The following TCERG1L variants were observed in gnomAD, a reference collection of about 807,000 sequenced individuals.
TCERG1L encodes the protein transcription elongation regulator 1-like protein.
TCERG1L carries 37 observed loss-of-function variants against 56.3 expected under a neutral mutation model. That is an observed-to-expected ratio of 0.66 (90% confidence interval 0.51 to 0.87). TCERG1L has a LOEUF of 0.87. Ranked by LOEUF, TCERG1L falls within the 40% of genes least tolerant of loss-of-function variation. The pLI, the probability that TCERG1L is intolerant of heterozygous loss-of-function variation, is 0.00. For synonymous variants in TCERG1L, 324 were observed against 326.3 expected, an observed-to-expected ratio of 0.99 and a Z score of 0.08; for missense variants, 799 against 774.2, an observed-to-expected ratio of 1.03 and a Z score of -0.38.
rs887477613 is a variant in TCERG1L, at chr10:131,092,472, G to A, written c.*690C>T. 9.8e-5 allele frequency: 15 copies of A among 152,440 alleles called. No homozygotes were observed. The highest frequency in any genetic ancestry group is 3.4e-4 in the African/African-American group (14 of 41,358). The allele number at this position is 152,440 out of a possible 1,614,324, so 9.4% of individuals were successfully genotyped here. A position where few individuals can be genotyped will look rare whatever the true frequency, so the allele number is the denominator to read the frequency against. On this transcript the variant is annotated 3_prime_UTR_variant, in exon 12 of 12. Coordinates refer to ENST00000368642, the MANE Select transcript of TCERG1L (RefSeq NM_174937.4). ...TGAGAAAAAATCTCATGCAAACTCC[G>A]GGCATACAATAAAAATAACTCAAAT... is the stretch of plus-strand genomic sequence containing the variant.
At chr10:131,289,458 CTCT>C (rs1846584373) in intron 3 of TCERG1L, among the ~76,000 whole-genome samples, 1 of 151,278 alleles carries the variant, frequency 6.6e-6, no homozygotes, top group African/African-American at 2.4e-5. Flanking sequence ...CTGCCTCCAT[CTCT>C]TATCGGTGTG....
chr10:131,109,407 C>G (rs28602269), intron 9 of TCERG1L, among the ~76,000 whole-genome samples: 1 of 151,992 alleles, frequency 6.6e-6, no homozygotes, highest in Non-Finnish European at 1.5e-5. Flanking sequence ...TGTCTGTGAC[C>G]GTGGCTGGGT....
At chr10:131,212,244 C>T (rs1845627702) in intron 4 of TCERG1L, among the ~76,000 whole-genome samples, 1 of 152,204 alleles carries the variant, frequency 6.6e-6, no homozygotes, top group Admixed American at 6.5e-5. Flanking sequence ...AGCTCTCCCA[C>T]TGCCTTCAGG....
chr10:131,115,245 G>C (rs1464742882), intron 9 of TCERG1L, among the ~76,000 whole-genome samples: 1 of 152,230 alleles, frequency 6.6e-6, no homozygotes, highest in African/African-American at 2.4e-5. Context: ...GGCACACGGT[G>C]ATCACCCGGC....
chr10:131,116,808 C>T lies in TCERG1L; in HGVS notation c.1386G>A (p.Leu462=). 1 of 1,563,696 alleles carries T rather than the reference C, an allele frequency of 6.4e-7. No individual in the cohort carries two copies. The highest frequency in any genetic ancestry group is 8.7e-7 in the Non-Finnish European group (1 of 1,155,110). ...ERVTHFRDML[L]ERGVSAFSTW... Reference sequence around the variant, plus strand: ...AGCCGCTGTGCCTTACCCCTCTCTCCAGCAGCATGTCTCGGAAGTGGGTCA... The same window carrying T: ...AGCCGCTGTGCCTTACCCCTCTCTCTAGCAGCATGTCTCGGAAGTGGGTCA... Residue 462 remains leucine, a synonymous_variant, in exon 9 of 12, where the codon CTG becomes CTA. Transcript: ENST00000368642.
At chr10:131,274,921 C>T (rs1043537597) in intron 3 of TCERG1L, among the ~76,000 whole-genome samples, 1 of 152,212 alleles carries the variant, frequency 6.6e-6, no homozygotes, top group African/African-American at 2.4e-5. Flanking sequence ...GTCAGGCAGG[C>T]TCGAGATCTC....
At position 131,092,951 on chromosome 10, in the gene TCERG1L, G is replaced by T. The variant is rs921377776; in HGVS notation, c.*211C>A. The T allele has an allele frequency of 1.9e-6, 1 of 514,556 alleles. No homozygotes were observed. The highest frequency in any genetic ancestry group is 3.4e-6 in the Non-Finnish European group (1 of 293,350). 31.9% of individuals were successfully genotyped at this position (514,556 alleles called of 1,614,324 possible). On this transcript the variant is annotated 3_prime_UTR_variant, in exon 12 of 12. Transcript: ENST00000368642. ...ACAATTAAGGGATCGACGTATCACG[G>T]TGATTAGAAATGCATCAAACTCTGA...
At chr10:131,183,935 C>T (rs1257713152) in intron 4 of TCERG1L, among the ~76,000 whole-genome samples, 1 of 152,216 alleles carries the variant, frequency 6.6e-6, no homozygotes, top group African/African-American at 2.4e-5. Context: ...CAGTGGGACT[C>T]GACTCACCTC....
intron 6 of TCERG1L, chr10:131,156,384 A>C (rs1302066807): frequency 6.6e-6 from 1 of 152,140 alleles, no homozygotes; most frequent in Non-Finnish European, 1.5e-5. Flanking sequence ...ACGGGTACTG[A>C]AATAGAAAAT....
At chr10:131,308,550 C>T (rs576689285) in intron 2 of TCERG1L, among the ~76,000 whole-genome samples, 159 bp from the exon 3 acceptor site, 1 of 152,256 alleles carries the variant, frequency 6.6e-6, no homozygotes, top group African/African-American at 2.4e-5. Context: ...TAAAGAAGTT[C>T]CACAGGGCTT....
At chr10:131,294,482 G>A (rs1257933631) in intron 3 of TCERG1L, among the ~76,000 whole-genome samples, 1 of 152,178 alleles carries the variant, frequency 6.6e-6, no homozygotes, top group Non-Finnish European at 1.5e-5. Context: ...ACCTGGAAAT[G>A]TTCCTCAGGG....
In TCERG1L at chr10:131,134,370, G is replaced by A; in HGVS notation, c.1259+9C>T. 6.3e-7 allele frequency: 1 copy of A among 1,580,308 alleles called. No individual in the cohort carries two copies. The highest frequency in any genetic ancestry group is 1.2e-5 in the South Asian group (1 of 85,962). ...GAAAGATCTGCTGGGGAAGAGCACG[G>A]CCACCTACCGGTTCCTCTTGGTTTT... is the stretch of plus-strand genomic sequence containing the variant. On this transcript the variant is annotated intron_variant, in intron 8 of 11. Transcript: ENST00000368642.
At chr10:131,098,757 C>A (rs990006602) in intron 10 of TCERG1L, among the ~76,000 whole-genome samples, 28 of 152,296 alleles carry the variant, frequency 1.8e-4, no homozygotes, top group Non-Finnish European at 3.5e-4. Flanking sequence ...CGGTTTGGAA[C>A]CCGTGCTGTA....
rs1420020225 is a variant in TCERG1L at position 131,092,465 on chromosome 10, A to G, written c.*697T>C. 1.3e-5 allele frequency: 2 copies of G among 152,694 alleles called. No individual in the cohort carries two copies. The highest frequency in any genetic ancestry group is 4.8e-5 in the African/African-American group (2 of 41,476). 9.5% of individuals were successfully genotyped at this position (152,694 alleles called of 1,614,324 possible). On this transcript the variant is annotated 3_prime_UTR_variant, in exon 12 of 12. Coordinates refer to ENST00000368642, the MANE Select transcript of TCERG1L (RefSeq NM_174937.4). ...AAGGTGATGAGAAAAAATCTCATGC[A>G]AACTCCGGGCATACAATAAAAATAA...
At chr10:131,249,320 C>A (rs996297604) in intron 4 of TCERG1L, among the ~76,000 whole-genome samples, 10 of 152,228 alleles carry the variant, frequency 6.6e-5, no homozygotes, top group African/African-American at 2.2e-4. Flanking sequence ...TGGAAAGCCA[C>A]CCGGCTACCC....
rs890595205 is a variant in TCERG1L, at chr10:131,249,519, C to T, written c.856+10740G>A. ...TCCCTGAGTCCCTGGAGGACAGTGG[C>T]CCTCTCCAGCCATGGCAAACGCACA... On this transcript the variant is annotated intron_variant, in intron 4 of 11. Transcript: ENST00000368642. Among the ~76,000 whole-genome samples, 9 of 152,352 alleles carry T rather than the reference C, an allele frequency of 5.9e-5. 2 individuals carry two copies. The highest frequency in any genetic ancestry group is 5.2e-4 in the Admixed American group (8 of 15,310).
intron 4 of TCERG1L, among the ~76,000 whole-genome samples, chr10:131,222,868 A>G (rs1461381506): frequency 3.9e-5 from 6 of 152,090 alleles, no homozygotes; most frequent in South Asian, 2.1e-4. Flanking sequence ...CTGCCTTCCA[A>G]TTGGTCAAGG....
In TCERG1L at chr10:131,242,298, G is replaced by A. The variant is rs1418672014; in HGVS notation, c.856+17961C>T. 2.0e-5 allele frequency among the ~76,000 whole-genome samples: 3 copies of A among 152,142 alleles called. 1 individual carries two copies. Among genetic ancestry groups the A allele is most frequent in the Admixed American group, 2.0e-4 (3 of 15,270 alleles). ...CTGTGAGGAGTGAGGGGCCTCCAGG[G>A]AAAAAGGACGAGAAATAGAATAGAA... is the stretch of plus-strand genomic sequence containing the variant. On this transcript the variant is annotated intron_variant, in intron 4 of 11. Transcript: ENST00000368642.
chr10:131,193,283 C>T (rs1259797801), intron 4 of TCERG1L, among the ~76,000 whole-genome samples: 4 of 152,190 alleles, frequency 2.6e-5, no homozygotes, highest in South Asian at 4.2e-4. Context: ...TAATCATTTG[C>T]GAATACTTTC....
Sources: allele counts gnomAD v4.1 joint callset (sites outside exome capture counted in the v4.1 genomes callset), GRCh38; gene constraint gnomAD v4.1.1; transcripts MANE v1.5; gene names NCBI Gene and HGNC (gene_info 2026-07-23, HGNC 2026-07-21).